DIAPH1: variants seen among roughly 807,000 people sequenced by gnomAD.
The protein encoded by DIAPH1 is diaphanous related formin 1, also known as protein diaphanous homolog 1.
DIAPH1 carries 46 observed loss-of-function variants against 140.7 expected under a neutral mutation model. The observed-to-expected ratio is 0.33, with a 90% confidence interval of 0.26 to 0.42. DIAPH1 has a LOEUF of 0.42. Among genes scored for constraint, DIAPH1 ranks in the 10% least tolerant of loss-of-function variants. The pLI is 1.00. For synonymous variants in DIAPH1, 565 were observed against 551.6 expected (o/e 1.02, Z -0.34); for missense variants, 1,310 against 1,558.7 (o/e 0.84, Z 2.69).
chr5:141,562,606 C>CAAA (rs754741971), intron 18 of DIAPH1, among the ~76,000 whole-genome samples: 53 of 76,790 alleles, frequency 6.9e-4, no homozygotes, highest in Non-Finnish European at 1.1e-3. Context: ...CTTACCTATG[C>CAAA]AAAAAAAAAA....
At chr5:141,603,653 T>C (rs1462318619) in intron 1 of DIAPH1, among the ~76,000 whole-genome samples, 2 of 152,358 alleles carry the variant, frequency 1.3e-5, no homozygotes, top group South Asian at 2.1e-4. Flanking sequence ...AATTTACTTA[T>C]AAATGTAAAG....
intron 18 of DIAPH1, among the ~76,000 whole-genome samples, chr5:141,555,492 T>C (rs2099892425): frequency 6.6e-6 from 1 of 152,172 alleles, no homozygotes; most frequent in South Asian, 2.1e-4. Context: ...CACTAATTAA[T>C]CATCCAGATA....
intron 1 of DIAPH1, among the ~76,000 whole-genome samples, chr5:141,588,759 C>T (rs1201349208): frequency 1.3e-5 from 2 of 152,166 alleles, no homozygotes; most frequent in Non-Finnish European, 2.9e-5. Flanking sequence ...CAACGCAACA[C>T]ATCAATTTCT....
At chr5:141,528,362 G>A in intron 23 of DIAPH1, 91 bp downstream of exon 23, 1 of 1,572,508 alleles carries the variant, frequency 6.4e-7, no homozygotes, top group Non-Finnish European at 8.7e-7. Flanking sequence ...GAAATAGTCT[G>A]AACTGAAAAT....
intron 18 of DIAPH1, among the ~76,000 whole-genome samples, chr5:141,553,513 C>A (rs1459701372): frequency 6.6e-6 from 1 of 151,344 alleles, no homozygotes; most frequent in Non-Finnish European, 1.5e-5. Flanking sequence ...TGGTGGTGGG[C>A]GCCTATGTAA....
chr5:141,528,990 C>G (rs999661796), intron 21 of DIAPH1, 49 bp from the exon 22 acceptor site: 1 of 1,613,250 alleles, frequency 6.2e-7, no homozygotes, highest in Non-Finnish European at 8.5e-7. Flanking sequence ...AGGGGGAAGT[C>G]AGAAAAAGAT....
chr5:141,521,540 T>C (rs1218378318), intron 27 of DIAPH1, among the ~76,000 whole-genome samples: 1 of 152,184 alleles, frequency 6.6e-6, no homozygotes, highest in Non-Finnish European at 1.5e-5. Context: ...AGTCTTTGTA[T>C]ACTGGTCACT....
chr5:141,600,478 C>T (rs1374362906), intron 1 of DIAPH1, among the ~76,000 whole-genome samples: 1 of 152,116 alleles, frequency 6.6e-6, no homozygotes, highest in Non-Finnish European at 1.5e-5. Flanking sequence ...AATAGGAAAC[C>T]AATACATTAA....
At chr5:141,536,177 C>A in intron 18 of DIAPH1, 1 of 339,100 alleles carries the variant, frequency 2.9e-6, no homozygotes, top group Non-Finnish European at 6.2e-6. Flanking sequence ...TGGCGCGCAC[C>A]TGTAGTCCCT....
At position 141,553,445 on chromosome 5, in the gene DIAPH1, G is replaced by C. The variant is rs576120098; in HGVS notation, c.2482+17983C>G. 1.3e-4 allele frequency among the ~76,000 whole-genome samples: 19 copies of C among 151,078 alleles called. No homozygotes were observed. The South Asian group carries it at 3.7e-3, about 30-fold the overall frequency. On this transcript the variant is annotated intron_variant, in intron 18 of 27. Coordinates refer to ENST00000389054, the MANE Select transcript of DIAPH1 (RefSeq NM_005219.5). ...ACCTGAGGTCAGGAGTTCGAGACCG[G>C]CCTGCCCAACATGGCGAAACCCCAA...
intron 9 of DIAPH1, 27 bp from the exon 10 acceptor site, chr5:141,578,652 G>A (rs759380539): frequency 1.3e-6 from 2 of 1,540,366 alleles, no homozygotes; most frequent in Non-Finnish European, 1.8e-6. Context: ...CAGCAGCTAT[G>A]TCAATGCTAA....
intron 7 of DIAPH1, chr5:141,582,087 AG>A (rs1442147853): frequency 5.8e-4 from 210 of 364,916 alleles, no homozygotes; most frequent in South Asian, 1.4e-3. Context: ...AAAAAAAAAA[AG>A]AGAGAGAAAC....
chr5:141,587,618 T>G (rs952967758), intron 2 of DIAPH1: 1 of 245,246 alleles, frequency 4.1e-6, no homozygotes, highest in Non-Finnish European at 8.0e-6. Context: ...TCAAGAGGTA[T>G]TACTACAGAT....
intron 1 of DIAPH1, among the ~76,000 whole-genome samples, chr5:141,601,342 C>T (rs1161961888): frequency 6.6e-6 from 1 of 151,640 alleles, no homozygotes; most frequent in Non-Finnish European, 1.5e-5. Context: ...CCCAGGCTAA[C>T]GTGCGGTGTG....
Position 141,586,961 on chromosome 5 carries a change from T to G in DIAPH1, c.300+81A>C. On this transcript the variant is annotated intron_variant, in intron 3 of 27. Transcript: ENST00000389054. ...GGAATTCTTTGTAATAAAGGGCTAGTTGGGAATTATGCACCAAAAAGAGCC... is the reference window on the plus strand; with the variant it reads ...GGAATTCTTTGTAATAAAGGGCTAGGTGGGAATTATGCACCAAAAAGAGCC... 6.2e-6 allele frequency: 9 copies of G among 1,451,258 alleles called. 1 individual carries two copies. The South Asian group carries it at 1.0e-4, about 17-fold the overall frequency. The allele number at this position is 1,451,258 out of a possible 1,614,324, so 89.9% of individuals were successfully genotyped here. A position where few individuals can be genotyped will look rare whatever the true frequency, so the allele number is the denominator to read the frequency against.
At chr5:141,560,154 T>C (rs1596366696) in intron 18 of DIAPH1, among the ~76,000 whole-genome samples, 1 of 152,248 alleles carries the variant, frequency 6.6e-6, no homozygotes, top group Non-Finnish European at 1.5e-5. Flanking sequence ...ATAAGTTCCA[T>C]ATACTGTACT....
chr5:141,612,300 A>G (rs1275855008), intron 1 of DIAPH1, among the ~76,000 whole-genome samples: 4 of 152,202 alleles, frequency 2.6e-5, no homozygotes. Flanking sequence ...CATTCCACTC[A>G]TGGGTACTTA....
intron 3 of DIAPH1, 75 bp from the exon 4 acceptor site, chr5:141,584,300 T>C (rs1156613700): frequency 1.2e-6 from 1 of 800,792 alleles, no homozygotes; most frequent in Non-Finnish European, 2.2e-6. Flanking sequence ...TTAATATTAG[T>C]ATGCTTAGTG....
chr5:141,587,164 C>T lies in DIAPH1; in HGVS notation c.178G>A (p.Glu60Lys). Residue 60 changes from glutamate to lysine, a missense_variant, in exon 3 of 28, where the codon GAG (glutamate) becomes AAG (lysine). By Grantham distance (56) the Glu-to-Lys change is moderately conservative. Around this residue, in one of 3 missense-constraint regions of DIAPH1, gnomAD observed 377 missense variants for 497.1 expected, o/e 0.76. Transcript: ENST00000389054. ...ERFTSMRIKK[E>K]KEKPNSAHRN... is the part of the protein sequence containing the mutation. ...TGAGCAGAATTGGGCTTTTCCTTCTCCTTCTTAATTCTCATGCTGGTAAAT... is the reference window on the plus strand; with the variant it reads ...TGAGCAGAATTGGGCTTTTCCTTCTTCTTCTTAATTCTCATGCTGGTAAAT... The T allele has an allele frequency of 6.2e-7, 1 of 1,614,116 alleles. No homozygotes were observed. Among genetic ancestry groups the T allele is most frequent in the Non-Finnish European group, 8.5e-7 (1 of 1,180,010 alleles).
Sources: allele counts gnomAD v4.1 joint callset (sites outside exome capture counted in the v4.1 genomes callset), GRCh38; gene constraint gnomAD v4.1.1; regional missense constraint gnomAD v4.1.1; transcripts MANE v1.5; gene names NCBI Gene and HGNC (gene_info 2026-07-23, HGNC 2026-07-21).